Variants in CHDH observed in about 807,000 individuals in gnomAD.
CHDH encodes choline dehydrogenase, also known as choline dehydrogenase, mitochondrial.
In CHDH, 43 loss-of-function variants were observed where a neutral mutation model predicts 56.9. The observed-to-expected ratio is 0.76, with a 90% CI of 0.59 to 0.97. CHDH has a LOEUF of 0.97. Ranked by LOEUF, CHDH falls within the 50% of genes least tolerant of loss-of-function variation. The pLI is 0.00. For missense variants in CHDH, 816 were observed against 821.1 expected, an observed-to-expected ratio of 0.99 and a Z score of 0.08; for synonymous variants, 364 against 348.5, an observed-to-expected ratio of 1.04 and a Z score of -0.50.
chr3:53,821,857 C>G, intron 4 of CHDH, 81 bp from the exon 5 acceptor site: 1 of 1,551,604 alleles, frequency 6.4e-7, no homozygotes, highest in South Asian at 1.2e-5. Context: ...CTCTAGCCAG[C>G]ACCATGAGAA....
At chr3:53,842,132 A>AG (rs922085109) in intron 1 of CHDH, among the ~76,000 whole-genome samples, 2 of 151,898 alleles carry the variant, frequency 1.3e-5, no homozygotes, top group African/African-American at 4.8e-5. Context: ...CTCAAAAAAA[A>AG]AAAAGAAAAA....
rs34336629 is a variant in CHDH, at chr3:53,818,026, G to C, written c.1536C>G (p.Pro512=). The C allele has an allele frequency of 1.8e-3, 2,867 of 1,614,238 alleles. 5 individuals are homozygous for C. The highest frequency in any genetic ancestry group is 2.2e-3 in the Non-Finnish European group (2,580 of 1,180,046). The change falls in exon 9 of 9, where the codon CCC becomes CCG. Residue 512 remains proline (P), a synonymous_variant. Transcript: ENST00000315251. ...GCTGGCCCATCTTACAGGTGCACGA[G>C]GGGTGGTAGGCGCTGTCGGCTTTTG... ...VRAKADSAYH[P]SCTCKMGQPS... is the part of the protein sequence containing the mutation.
At position 53,832,259 on chromosome 3, in the gene CHDH, T is replaced by C. The variant is rs530142248; in HGVS notation, c.-59-8192A>G. Among the ~76,000 whole-genome samples, 148 of 152,230 alleles carry C rather than the reference T, an allele frequency of 9.7e-4. 3 individuals are homozygous for C. The highest frequency in any genetic ancestry group is 1.4e-3 in the African/African-American group (58 of 41,544). ...ATCAACAGGTGAGTAGGGCCGGGCA[T>C]GGTGGCTCACGCCTGTAATCCCAGC... On this transcript the variant is annotated intron_variant, in intron 2 of 8. Transcript: ENST00000315251.
At chr3:53,839,190 G>C (rs1056699642) in intron 2 of CHDH, among the ~76,000 whole-genome samples, 3 of 152,230 alleles carry the variant, frequency 2.0e-5, no homozygotes, top group African/African-American at 7.2e-5. Context: ...GCAGGGGTCT[G>C]AACGGGAGAA....
chr3:53,832,442 G>A (rs1163877358), intron 2 of CHDH, among the ~76,000 whole-genome samples: 1 of 152,102 alleles, frequency 6.6e-6, no homozygotes, highest in African/African-American at 2.4e-5. Context: ...TGAGGCAGGA[G>A]AATGGTGTGA....
chr3:53,823,996 G>T lies in CHDH; in HGVS notation c.13C>A (p.Leu5Ile), dbSNP rs777618098. ...GCTCCAGGCCGGCCCAGGCCTCGTA[G>T]GAGACACCACATGCTTCTATCTAGT... MWCL[L>I]RGLGRPGALA... The change falls in exon 3 of 9, where the codon CTA becomes ATA. Residue 5 changes from leucine to isoleucine, a missense_variant. Transcript: ENST00000315251. The T allele has an allele frequency of 1.3e-6, 2 of 1,485,648 alleles. No individual in the cohort carries two copies. Among genetic ancestry groups the T allele is most frequent in the Admixed American group, 5.1e-5 (2 of 39,298 alleles). 92.0% of individuals were successfully genotyped at this position (1,485,648 alleles called of 1,614,324 possible).
chr3:53,831,365 G>T (rs1698328700), intron 2 of CHDH, among the ~76,000 whole-genome samples: 1 of 152,234 alleles, frequency 6.6e-6, no homozygotes, highest in South Asian at 2.1e-4. Context: ...CACAAGCCTG[G>T]CTGGCTTCAC....
At chr3:53,822,864 C>T (rs1162967499) in intron 3 of CHDH, among the ~76,000 whole-genome samples, 1 of 152,222 alleles carries the variant, frequency 6.6e-6, no homozygotes, top group Non-Finnish European at 1.5e-5. Flanking sequence ...CCTTCACCCT[C>T]AAACAGGAGG....
chr3:53,845,774 G>GC (rs1698853769), intron 1 of CHDH, among the ~76,000 whole-genome samples: 1 of 152,232 alleles, frequency 6.6e-6, no homozygotes, highest in South Asian at 2.1e-4. Flanking sequence ...CGCTTTGGGA[G>GC]CCCCAGGTGT....
intron 2 of CHDH, among the ~76,000 whole-genome samples, chr3:53,838,787 T>C (rs1698584093): frequency 6.6e-6 from 1 of 152,188 alleles, no homozygotes; most frequent in Non-Finnish European, 1.5e-5. Flanking sequence ...ACGCTTGTCA[T>C]GTGACTGGTA....
Position 53,821,581 on chromosome 3 carries a change from A to ATACATACACTAAGCCTTTGG in CHDH, c.985+65_985+66insCCAAAGGCTTAGTGTATGTA, listed in dbSNP as rs1281327222. On this transcript the variant is annotated intron_variant, in intron 5 of 8. Coordinates refer to ENST00000315251, the MANE Select transcript of CHDH (RefSeq NM_018397.5). ...CACCTCCCCACTTCATGCTAATAAGATACATACACTAAGCCTTTTGTTGAG... is the reference window on the plus strand; with the variant it reads ...CACCTCCCCACTTCATGCTAATAAGATACATACACTAAGCCTTTGGTACATACACTAAGCCTTTTGTTGAG... The ATACATACACTAAGCCTTTGG allele has an allele frequency of 1.2e-5, 17 of 1,419,494 alleles. No homozygotes were observed. The African/African-American group carries it at 2.1e-4, about 18-fold the overall frequency. 87.9% of individuals were successfully genotyped at this position (1,419,494 alleles called of 1,614,324 possible).
chr3:53,827,739 A>C (rs1241509765), intron 2 of CHDH, among the ~76,000 whole-genome samples: 1 of 152,254 alleles, frequency 6.6e-6, no homozygotes, highest in Non-Finnish European at 1.5e-5. Flanking sequence ...TGAAATTTAA[A>C]AACTAAATAA....
rs2095629301 is a variant in CHDH, at chr3:53,822,562, C to T, written c.784G>A (p.Val262Met). The part of the protein sequence containing the change: ...TNLKAEAETL[V>M]SRVLFEGTRA... ...GTGCCCTCAAATAGCACCCTGCTCA[C>T]AAGCGTCTCGGCCTCGGCCTTGAGG... Residue 262 changes from valine to methionine, a missense_variant, in exon 4 of 9, where the codon GTG (valine) becomes ATG (methionine). Val to Met is a conservative substitution (Grantham distance 21, BLOSUM62 1). Coordinates refer to ENST00000315251, the MANE Select transcript of CHDH (RefSeq NM_018397.5). 1 of 1,613,412 alleles carries T rather than the reference C, an allele frequency of 6.2e-7. No homozygotes were observed. The highest frequency in any genetic ancestry group is 1.7e-5 in the Admixed American group (1 of 60,002).
chr3:53,833,990 C>T (rs1330011217), intron 2 of CHDH, among the ~76,000 whole-genome samples: 1 of 152,142 alleles, frequency 6.6e-6, no homozygotes, highest in Non-Finnish European at 1.5e-5. Flanking sequence ...AACTTGAAAC[C>T]CCCACCCCCA....
At chr3:53,823,255 G>T in intron 3 of CHDH, 51 bp downstream of exon 3, 1 of 1,425,984 alleles carries the variant, frequency 7.0e-7, no homozygotes, top group Non-Finnish European at 9.2e-7. Flanking sequence ...AGATGGGTGG[G>T]GGCTGGGGTA....
rs1559752052 is a variant in CHDH, at chr3:53,823,460, G to A, written c.549C>T (p.Ala183=). The A allele has an allele frequency of 5.1e-6, 8 of 1,557,550 alleles. No individual in the cohort carries two copies. The highest frequency in any genetic ancestry group is 2.4e-5 in the East Asian group (1 of 41,336). The change falls in exon 3 of 9, where the codon GCC becomes GCT. Residue 183 remains alanine (A), a synonymous_variant. Coordinates refer to ENST00000315251, the MANE Select transcript of CHDH (RefSeq NM_018397.5). ...CCCGGGACACCCGCAGCGGGCCATC[G>A]GCGCCCCGGTACCGGCTGGCGCCCA... is the stretch of plus-strand genomic sequence containing the variant. The part of the protein sequence containing the change: ...HELGASRYRG[A]DGPLRVSRGK...
chr3:53,825,663 T>A (rs1296161477), intron 2 of CHDH, among the ~76,000 whole-genome samples: 1 of 151,970 alleles, frequency 6.6e-6, no homozygotes, highest in East Asian at 1.9e-4. Flanking sequence ...GGAGAAATAT[T>A]TGAAGAGATA....
At position 53,823,817 on chromosome 3, in the gene CHDH, G is replaced by A. The variant is rs766420249; in HGVS notation, c.192C>T (p.Ala64=). ...VLAGRLTEDP[A]ERVLLLEAGP... ...CGGCCTCCAGCAGCAGCACGCGCTC[G>A]GCGGGGTCCTCCGTGAGCCTCCCAG... The change falls in exon 3 of 9, where the codon GCC becomes GCT. Residue 64 remains alanine, a synonymous_variant. Transcript: ENST00000315251. 1.4e-5 allele frequency: 22 copies of A among 1,585,882 alleles called. No homozygotes were observed. Among genetic ancestry groups the A allele is most frequent in the East Asian group, 4.6e-5 (2 of 43,454 alleles).
In CHDH at chr3:53,823,826, C is replaced by T. The variant is rs1402800896; in HGVS notation, c.183G>A (p.Glu61=). 2 of 1,585,290 alleles carry T rather than the reference C, an allele frequency of 1.3e-6. No individual in the cohort carries two copies. Among genetic ancestry groups the T allele is most frequent in the Admixed American group, 3.5e-5 (2 of 57,666 alleles). ...GCAGCAGCACGCGCTCGGCGGGGTCCTCCGTGAGCCTCCCAGCCAGCACGC... is the reference window on the plus strand; with the variant it reads ...GCAGCAGCACGCGCTCGGCGGGGTCTTCCGTGAGCCTCCCAGCCAGCACGC... ...AGCVLAGRLT[E]DPAERVLLLE... is the part of the protein sequence containing the mutation. Residue 61 remains glutamate (E), a synonymous_variant, in exon 3 of 9, where the codon GAG becomes GAA. Transcript: ENST00000315251.
Sources: gnomAD v4.1 joint callset for allele counts (sites outside exome capture counted in the v4.1 genomes callset) on GRCh38, gnomAD v4.1.1 for gene constraint, MANE v1.5 for transcripts, NCBI Gene and HGNC (gene_info 2026-07-23, HGNC 2026-07-21) for gene names.